SLC39A10: variants seen among roughly 807,000 people sequenced by gnomAD.
SLC39A10 encodes solute carrier family 39 member 10.
Under a neutral mutation model 65.1 loss-of-function variants are expected in SLC39A10, and 13 were observed. The observed-to-expected ratio is 0.20, with a 90% CI of 0.13 to 0.32. SLC39A10 has a LOEUF of 0.32. SLC39A10 is among the 10% of genes least tolerant of loss of function. The pLI is 1.00. For missense variants in SLC39A10, 831 were observed against 1,018.4 expected (o/e 0.82, Z 2.50); for synonymous variants, 321 against 342.2 (o/e 0.94, Z 0.68).
intron 5 of SLC39A10, among the ~76,000 whole-genome samples, chr2:195,712,195 A>G (rs1213507584): frequency 1.3e-5 from 2 of 152,250 alleles, no homozygotes; most frequent in Non-Finnish European, 2.9e-5. Context: ...GGAGAGACCA[A>G]TCTTCTTCAT....
At position 195,668,471 on chromosome 2, in the gene SLC39A10, T is replaced by C. The variant is rs1308908191; in HGVS notation, c.-12+11190T>C. 4.6e-5 allele frequency among the ~76,000 whole-genome samples: 7 copies of C among 152,354 alleles called. No homozygotes were observed. The East Asian group carries it at 1.3e-3, about 29-fold the overall frequency. ...CTTATTTACCTTCAGAATAGCAATC[T>C]GGAACACTGAAAAAGCTTGCTTTAA... On this transcript the variant is annotated intron_variant, in intron 1 of 9. Coordinates refer to ENST00000359634, the MANE Select transcript of SLC39A10 (RefSeq NM_020342.3).
intron 2 of SLC39A10, 49 bp from the exon 3 acceptor site, chr2:195,683,650 T>C: frequency 1.4e-6 from 2 of 1,426,628 alleles, no homozygotes; most frequent in Non-Finnish European, 9.7e-7. Context: ...TTTTGCATAA[T>C]CTCCTTAAAG....
chr2:195,632,360 T>C (rs900804105), intron 2 of SLC39A10, among the ~76,000 whole-genome samples: 3 of 135,614 alleles, frequency 2.2e-5, no homozygotes, highest in African/African-American at 8.3e-5. Flanking sequence ...AGTGCTGTGG[T>C]GCCATCTCGG....
At chr2:195,644,372 C>T (rs1030368875) in intron 2 of SLC39A10, among the ~76,000 whole-genome samples, 8 of 144,706 alleles carry the variant, frequency 5.5e-5, no homozygotes, top group Admixed American at 1.4e-4. Context: ...GACGGAGTCT[C>T]GCTCTGTTGC....
chr2:195,712,448 A>G (rs977554518), intron 5 of SLC39A10, among the ~76,000 whole-genome samples: 16 of 152,274 alleles, frequency 1.1e-4, no homozygotes, highest in African/African-American at 3.9e-4. Context: ...TCTACTAGCC[A>G]TGCAAGCTTA....
chr2:195,708,917 C>A, intron 5 of SLC39A10, 73 bp downstream of exon 5: 2 of 1,086,012 alleles, frequency 1.8e-6, no homozygotes, highest in Non-Finnish European at 2.6e-6. Flanking sequence ...TGGGTATATG[C>A]TTTCCTTAAT....
chr2:195,624,970 T>G (rs190050247), intron 2 of SLC39A10, among the ~76,000 whole-genome samples: 4 of 150,938 alleles, frequency 2.7e-5, no homozygotes, highest in Middle Eastern at 3.5e-3. Flanking sequence ...CCCAGCACTT[T>G]GAAAGACCGA....
chr2:195,671,283 A>G (rs982937018), intron 1 of SLC39A10, among the ~76,000 whole-genome samples: 3 of 152,252 alleles, frequency 2.0e-5, no homozygotes, highest in African/African-American at 4.8e-5. Flanking sequence ...GAAATTATAC[A>G]GTGATAGAAT....
At chr2:195,668,685 G>A (rs746348591) in intron 1 of SLC39A10, among the ~76,000 whole-genome samples, 62 of 152,114 alleles carry the variant, frequency 4.1e-4, no homozygotes, top group South Asian at 1.0e-3. Context: ...GTAAAAAGAG[G>A]TTTTTGTTGT....
intron 3 of SLC39A10, among the ~76,000 whole-genome samples, chr2:195,694,343 T>C (rs956821091): frequency 2.6e-5 from 4 of 152,206 alleles, no homozygotes; most frequent in African/African-American, 2.4e-5. Flanking sequence ...TTTAAGTTCA[T>C]TGTTTCTTTG....
At chr2:195,632,083 G>C (rs1012756046) in intron 2 of SLC39A10, among the ~76,000 whole-genome samples, 3 of 151,388 alleles carry the variant, frequency 2.0e-5, no homozygotes, top group Admixed American at 1.3e-4. Flanking sequence ...TGTAAAGATG[G>C]GGTCTCACTA....
intron 8 of SLC39A10, among the ~76,000 whole-genome samples, chr2:195,723,176 T>C (rs1002898338): frequency 6.6e-6 from 1 of 152,190 alleles, no homozygotes; most frequent in African/African-American, 2.4e-5. Context: ...TTTGAGGAAA[T>C]AGCAAACTCA....
At chr2:195,723,842 C>A (rs1394879723) in intron 8 of SLC39A10, among the ~76,000 whole-genome samples, 1 of 151,978 alleles carries the variant, frequency 6.6e-6, no homozygotes, top group African/African-American at 2.4e-5. Flanking sequence ...CCAGTCATAC[C>A]CCCACACCTC....
intron 2 of SLC39A10, among the ~76,000 whole-genome samples, chr2:195,614,141 G>A (rs1381893514): frequency 6.6e-6 from 1 of 152,138 alleles, no homozygotes; most frequent in East Asian, 1.9e-4. Flanking sequence ...AGGCTGGCTG[G>A]CTGGGAATAA....
At chr2:195,650,028 C>A (rs1688997731) in intron 2 of SLC39A10, among the ~76,000 whole-genome samples, 1 of 152,074 alleles carries the variant, frequency 6.6e-6, no homozygotes, top group African/African-American at 2.4e-5. Flanking sequence ...ATAGGTAATA[C>A]AACTGTAGCA....
intron 8 of SLC39A10, among the ~76,000 whole-genome samples, chr2:195,720,946 A>AT (rs1431963442): frequency 2.0e-5 from 3 of 152,072 alleles, no homozygotes; most frequent in South Asian, 2.1e-4. Context: ...GATTTTATAT[A>AT]TTTTTTTCCC....
intron 2 of SLC39A10, among the ~76,000 whole-genome samples, chr2:195,635,486 C>T (rs1157559748): frequency 6.6e-6 from 1 of 152,182 alleles, no homozygotes; most frequent in Non-Finnish European, 1.5e-5. Flanking sequence ...GGTGCAGAAG[C>T]AGCAGTAGTG....
intron 1 of SLC39A10, among the ~76,000 whole-genome samples, chr2:195,662,824 ATGTG>A (rs1689459448): frequency 6.6e-6 from 1 of 152,168 alleles, no homozygotes; most frequent in African/African-American, 2.4e-5. Flanking sequence ...TTGCTTATTG[ATGTG>A]TGTATTGTCT....
In SLC39A10 at chr2:195,698,288, C is replaced by T. The variant is rs536361624; in HGVS notation, c.1217-8328C>T. On this transcript the variant is annotated intron_variant, in intron 3 of 9. Transcript: ENST00000359634. ...GTGCAAACAGATGTAATTTTACTTA[C>T]TCCTTTCCAAATTGGATGTTTTTAA... Among the ~76,000 whole-genome samples the T allele has an allele frequency of 2.6e-4, 39 of 152,200 alleles. 1 individual carries two copies. The South Asian group carries it at 7.9e-3, about 31-fold the overall frequency.
Sources: allele counts gnomAD v4.1 joint callset (sites outside exome capture counted in the v4.1 genomes callset), GRCh38; gene constraint gnomAD v4.1.1; transcripts MANE v1.5; gene names NCBI Gene and HGNC (gene_info 2026-07-23, HGNC 2026-07-21).